The following NTM variants were observed in gnomAD, a reference collection of about 807,000 sequenced individuals.
The protein encoded by NTM is IgLON family member 2.
NTM carries 13 observed loss-of-function variants against 42.1 expected under a neutral mutation model. The ratio of observed to expected loss-of-function variants is 0.31; its 90% CI spans 0.20 to 0.49. The LOEUF is 0.49. NTM is among the 20% of genes least tolerant of loss of function. The probability of loss-of-function intolerance (pLI) is 0.99; values close to 1 mark genes in which losing one functional copy is unlikely to be tolerated. For missense variants in NTM, 373 were observed against 452.8 expected (o/e 0.82, Z 1.60); for synonymous variants, 187 against 179.2 (o/e 1.04, Z -0.35).
intron 2 of NTM, among the ~76,000 whole-genome samples, chr11:132,085,112 A>G (rs569020809): frequency 1.5e-4 from 23 of 152,356 alleles, no homozygotes; most frequent in Admixed American, 1.1e-3. Context: ...AACTTGTTTA[A>G]ACCTTTGTCT....
At chr11:131,736,303 TC>T (rs2080429250) in intron 1 of NTM, among the ~76,000 whole-genome samples, 1 of 152,112 alleles carries the variant, frequency 6.6e-6, no homozygotes, top group Non-Finnish European at 1.5e-5. Context: ...TAGTCACAGC[TC>T]TCCTTCACAC....
chr11:131,638,695 C>A (rs949382944), intron 1 of NTM, among the ~76,000 whole-genome samples: 1 of 151,922 alleles, frequency 6.6e-6, no homozygotes, highest in African/African-American at 2.4e-5. Flanking sequence ...ATTTCTACCC[C>A]CTTCTAAGGA....
chr11:131,500,011 C>T (rs573239079), intron 1 of NTM, among the ~76,000 whole-genome samples: 4 of 152,340 alleles, frequency 2.6e-5, no homozygotes, highest in African/African-American at 7.2e-5. Flanking sequence ...ACTGCAAATG[C>T]TGGGTGCAGT....
intron 1 of NTM, among the ~76,000 whole-genome samples, chr11:131,884,860 G>A (rs558698165): frequency 1.3e-5 from 2 of 152,292 alleles, no homozygotes; most frequent in South Asian, 4.2e-4. Flanking sequence ...TAATTCTTGA[G>A]TGCTTCCTGT....
intron 1 of NTM, among the ~76,000 whole-genome samples, chr11:131,794,321 A>C (rs1450888492): frequency 6.6e-6 from 1 of 152,214 alleles, no homozygotes; most frequent in Non-Finnish European, 1.5e-5. Context: ...AACTTAAGGC[A>C]ATGGAAGAAA....
At chr11:131,828,704 C>T (rs565233925) in intron 1 of NTM, among the ~76,000 whole-genome samples, 23 of 152,154 alleles carry the variant, frequency 1.5e-4, no homozygotes, top group Admixed American at 2.0e-4. Context: ...CCAGGTTTCA[C>T]GGCACGTCTC....
chr11:132,146,819 TG>T lies in NTM; in HGVS notation c.400+306del. ...TAAGTTTTAGTTATTTTTGTTTGTT[TG>T]TTTTTTGTTTTGTTTTGTTTTGTTT... is the stretch of plus-strand genomic sequence containing the variant. On this transcript the variant is annotated intron_variant, in intron 3 of 8. Coordinates refer to ENST00000683400, the MANE Select transcript of NTM (RefSeq NM_001352005.2). This position sits in a 1 kb window ranked among gnomAD's most constrained non-coding sequence, Gnocchi z 4.5. 2.7e-6 allele frequency: 1 copy of T among 376,762 alleles called. No individual in the cohort carries two copies. The highest frequency in any genetic ancestry group is 4.7e-6 in the Non-Finnish European group (1 of 210,950). 23.3% of individuals were successfully genotyped at this position (376,762 alleles called of 1,614,324 possible).
chr11:132,082,738 G>A (rs142858410), intron 2 of NTM, among the ~76,000 whole-genome samples: 7 of 152,328 alleles, frequency 4.6e-5, no homozygotes, highest in Non-Finnish European at 8.8e-5. Flanking sequence ...GGCACTGTTT[G>A]GGGAAAATGG....
At position 131,935,341 on chromosome 11, in the gene NTM, C is replaced by T. The variant is rs59342362; in HGVS notation, c.167+23693C>T. On this transcript the variant is annotated intron_variant, in intron 2 of 8. Coordinates refer to ENST00000683400, the MANE Select transcript of NTM (RefSeq NM_001352005.2). ...CTATTTGGGAAAGCATCACTAGCCACCTGCCCTACTTAACACTGATTCAGA... is the reference window on the plus strand; with the variant it reads ...CTATTTGGGAAAGCATCACTAGCCATCTGCCCTACTTAACACTGATTCAGA... Among the ~76,000 whole-genome samples, 1,412 of 152,316 alleles carry T rather than the reference C, an allele frequency of 9.3e-3. 18 individuals are homozygous for T. The highest frequency in any genetic ancestry group is 0.033 in the African/African-American group (1,352 of 41,564).
intron 7 of NTM, among the ~76,000 whole-genome samples, chr11:132,315,756 C>T (rs1441700078): frequency 2.0e-5 from 3 of 152,166 alleles, no homozygotes; most frequent in Admixed American, 6.5e-5. Context: ...ATTACATCCT[C>T]CTGCATTCTA....
At chr11:131,452,623 G>A (rs143997072) in intron 1 of NTM, among the ~76,000 whole-genome samples, 300 of 152,242 alleles carry the variant, frequency 2.0e-3, no homozygotes, top group Non-Finnish European at 3.4e-3. Context: ...AGCCACTATC[G>A]ACATAGACGT....
At chr11:131,685,139 A>T (rs1443307255) in intron 1 of NTM, among the ~76,000 whole-genome samples, 17 of 152,214 alleles carry the variant, frequency 1.1e-4, no homozygotes, top group Non-Finnish European at 2.9e-5. Context: ...AGCCCCTGGG[A>T]AGAGGGATTA....
chr11:131,884,879 G>A (rs1344942025), intron 1 of NTM, among the ~76,000 whole-genome samples: 1 of 152,176 alleles, frequency 6.6e-6, no homozygotes, highest in Non-Finnish European at 1.5e-5. Context: ...GTGTGTCAGG[G>A]CTACTCTTAG....
chr11:131,887,555 C>T (rs1327948536), intron 1 of NTM, among the ~76,000 whole-genome samples: 1 of 152,200 alleles, frequency 6.6e-6, no homozygotes, highest in East Asian at 1.9e-4. Context: ...TTCCGCTCTC[C>T]AATTGGTAAC....
At chr11:132,052,978 A>G (rs1415454310) in intron 2 of NTM, among the ~76,000 whole-genome samples, 2 of 152,206 alleles carry the variant, frequency 1.3e-5, no homozygotes, top group Non-Finnish European at 2.9e-5. Context: ...AACAACAACA[A>G]CAAAATACTG....
At chr11:132,269,817 C>T (rs563804905) in intron 4 of NTM, among the ~76,000 whole-genome samples, 15 of 152,326 alleles carry the variant, frequency 9.8e-5, no homozygotes, top group African/African-American at 4.8e-5. Flanking sequence ...TCTGAACATA[C>T]ACCTGAGAGA....
intron 3 of NTM, among the ~76,000 whole-genome samples, chr11:132,176,740 T>TTTG (rs2076881146): frequency 6.9e-6 from 1 of 145,226 alleles, no homozygotes. Flanking sequence ...TTTTTTTTTT[T>TTTG]TTTTTTAGAC....
At chr11:132,140,380 G>T in intron 2 of NTM, among the ~76,000 whole-genome samples, 1 of 152,080 alleles carries the variant, frequency 6.6e-6, no homozygotes, top group East Asian at 1.9e-4. Context: ...TTCTACCTAG[G>T]CATGATGAGC....
At chr11:132,166,611 C>G (rs2075315179) in intron 3 of NTM, among the ~76,000 whole-genome samples, 1 of 152,188 alleles carries the variant, frequency 6.6e-6, no homozygotes, top group Admixed American at 6.5e-5. Flanking sequence ...GGTAATTTTG[C>G]ATTCCTGGAC....
Sources: gnomAD v4.1 joint callset for allele counts (sites outside exome capture counted in the v4.1 genomes callset) on GRCh38, gnomAD v4.1.1 for gene constraint, Gnocchi (gnomAD v3.1) non-coding constraint, MANE v1.5 for transcripts, NCBI Gene and HGNC (gene_info 2026-07-23, HGNC 2026-07-21) for gene names.